The following COMMD8 variants were observed in gnomAD, a reference collection of about 807,000 sequenced individuals.
COMMD8 encodes COMM domain containing 8, also known as COMM domain-containing protein 8.
COMMD8 carries 28 observed loss-of-function variants against 27.2 expected under a neutral mutation model. The observed-to-expected ratio is 1.03, with a 90% confidence interval of 0.76 to 1.41. COMMD8 has a LOEUF of 1.41. Ranked by LOEUF, COMMD8 falls within the 40% of genes most tolerant of loss-of-function variation. The pLI, the probability that COMMD8 is intolerant of heterozygous loss-of-function variation, is 0.00. For missense variants in COMMD8, 217 were observed against 211.2 expected (o/e 1.03, Z -0.17); for synonymous variants, 79 against 75.5 (o/e 1.05, Z -0.24).
Position 47,451,566 on chromosome 4 carries a change from T to A in COMMD8, c.*79A>T. 1 of 1,095,106 alleles carries A rather than the reference T, an allele frequency of 9.1e-7. No homozygotes were observed. Among genetic ancestry groups the A allele is most frequent in the Non-Finnish European group, 1.4e-6 (1 of 718,386 alleles). The allele number at this position is 1,095,106 out of a possible 1,614,324, so 67.8% of individuals were successfully genotyped here. A position where few individuals can be genotyped will look rare whatever the true frequency, so the allele number is the denominator to read the frequency against. ...GTGCAACAGTCAAGACATCACAAGG[T>A]TTCTGAACACGCAGTATTCACTCTG... On this transcript the variant is annotated 3_prime_UTR_variant, in exon 5 of 5. Coordinates refer to ENST00000381571, the MANE Select transcript of COMMD8 (RefSeq NM_017845.5).
In COMMD8 at chr4:47,453,144, T is replaced by G; in HGVS notation, c.446A>C (p.Glu149Ala). ...PLLSLHLDVK[E>A]NGEVKPYSIE... The stretch of plus-strand genomic sequence containing the variant: ...AGAATAAGGTTTTACTTCACCATTT[T>G]CTTTTACATCTAGATGCAGGCTTAA... Residue 149 changes from glutamate (E) to alanine (A), a missense_variant, in exon 4 of 5, where the codon GAA becomes GCA. Coordinates refer to ENST00000381571, the MANE Select transcript of COMMD8 (RefSeq NM_017845.5). 1.9e-6 allele frequency: 3 copies of G among 1,614,028 alleles called. No homozygotes were observed. Among genetic ancestry groups the G allele is most frequent in the African/African-American group, 1.3e-5 (1 of 75,064 alleles).
chr4:47,455,284 G>C (rs1165353572), intron 3 of COMMD8, among the ~76,000 whole-genome samples: 1 of 152,024 alleles, frequency 6.6e-6, no homozygotes, highest in African/African-American at 2.4e-5. Flanking sequence ...CCAAAGTGCT[G>C]GGATTACAGG....
chr4:47,463,615 G>A lies in COMMD8; in HGVS notation c.37C>T (p.Gln13Ter), dbSNP rs778742857. Residue 13 changes from glutamine (Q) to a stop codon, truncating the protein, a stop_gained, in exon 1 of 5, where the codon CAG (glutamine) becomes TAG (stop). Transcript: ENST00000381571. LOFTEE classifies it high-confidence loss of function. ...GGGCCCAGCTCGGCCGGCAGCTTCT[G>A]CAGCCGCCACAAGGGCGTCCCCTCT... is the stretch of plus-strand genomic sequence containing the variant. Reference protein sequence around the residue: ...PEEGTPLWRLQKLPAELGPQL... With the variant: ...PEEGTPLWRL 2 of 1,547,876 alleles carry A rather than the reference G, an allele frequency of 1.3e-6. No homozygotes were observed. Among genetic ancestry groups the A allele is most frequent in the South Asian group, 2.4e-5 (2 of 83,910 alleles).
chr4:47,454,184 C>A (rs115431621), intron 3 of COMMD8, among the ~76,000 whole-genome samples: 1,641 of 152,272 alleles, frequency 0.011, 31 homozygotes, highest in African/African-American at 0.037. Context: ...CCTTGAGAAG[C>A]GGTTACAATC....
intron 4 of COMMD8, among the ~76,000 whole-genome samples, chr4:47,452,731 C>T (rs1729783447): frequency 6.6e-6 from 1 of 152,198 alleles, no homozygotes; most frequent in Non-Finnish European, 1.5e-5. Flanking sequence ...TGCAGTGGCC[C>T]ATGCCTGTAA....
intron 4 of COMMD8, 33 bp downstream of exon 4, chr4:47,453,026 A>G (rs755896795): frequency 1.3e-6 from 2 of 1,569,034 alleles, no homozygotes; most frequent in East Asian, 2.3e-5. Flanking sequence ...AACCTTAAAC[A>G]TTCAAATCAT....
intron 2 of COMMD8, among the ~76,000 whole-genome samples, chr4:47,457,302 C>A (rs1729920233): frequency 6.6e-6 from 1 of 152,156 alleles, no homozygotes; most frequent in Non-Finnish European, 1.5e-5. Context: ...ACACAACAAT[C>A]ATAAATCCCT....
At chr4:47,461,524 A>G (rs906944009) in intron 1 of COMMD8, among the ~76,000 whole-genome samples, 2 of 152,188 alleles carry the variant, frequency 1.3e-5, no homozygotes, top group Non-Finnish European at 2.9e-5. Context: ...CATGCTAAAA[A>G]AAAAACCCAG....
chr4:47,454,998 T>C (rs559779524), intron 3 of COMMD8, among the ~76,000 whole-genome samples: 2 of 151,738 alleles, frequency 1.3e-5, no homozygotes, highest in African/African-American at 4.8e-5. Context: ...TATTAACATC[T>C]CTCTTATCCT....
chr4:47,454,325 T>A (rs963074717), intron 3 of COMMD8, among the ~76,000 whole-genome samples: 4 of 152,226 alleles, frequency 2.6e-5, no homozygotes, highest in Admixed American at 6.5e-5. Context: ...TTTCCCCATC[T>A]ATGAATTTTA....
At chr4:47,461,650 A>G (rs1426150894) in intron 1 of COMMD8, among the ~76,000 whole-genome samples, 1 of 152,240 alleles carries the variant, frequency 6.6e-6, no homozygotes, top group Non-Finnish European at 1.5e-5. Context: ...AAATGACCTT[A>G]TTTAATGACA....
chr4:47,457,826 T>A (rs1729931817), intron 2 of COMMD8, among the ~76,000 whole-genome samples: 1 of 146,118 alleles, frequency 6.8e-6, no homozygotes. Flanking sequence ...TTGACAATAG[T>A]ATTATAGGGA....
chr4:47,457,349 A>G (rs28657923), intron 2 of COMMD8, among the ~76,000 whole-genome samples: 4 of 152,172 alleles, frequency 2.6e-5, no homozygotes, highest in African/African-American at 9.7e-5. Context: ...TATATAAAGC[A>G]GCAAAATTTG....
In COMMD8 at chr4:47,463,630, G is replaced by T; in HGVS notation, c.22C>A (p.Pro8Thr). Residue 8 changes from proline (P) to threonine (T), a missense_variant, in exon 1 of 5, where the codon CCC (proline) becomes ACC (threonine). Coordinates refer to ENST00000381571, the MANE Select transcript of COMMD8 (RefSeq NM_017845.5). MEPEEGT[P>T]LWRLQKLPAE... is the part of the protein sequence containing the mutation. ...GGCAGCTTCTGCAGCCGCCACAAGG[G>T]CGTCCCCTCTTCCGGCTCCATCCCT... The T allele has an allele frequency of 2.6e-6, 4 of 1,549,122 alleles. No homozygotes were observed. The highest frequency in any genetic ancestry group is 1.2e-5 in the South Asian group (1 of 83,930).
chr4:47,459,907 G>A (rs916596995), intron 2 of COMMD8: 27 of 355,016 alleles, frequency 7.6e-5, no homozygotes, highest in African/African-American at 3.0e-4. Context: ...GTGAATGTAG[G>A]TGTCAGTTAT....
At chr4:47,463,520 T>C (rs1346511574) in intron 1 of COMMD8, 66 bp downstream of exon 1, 7 of 1,471,164 alleles carry the variant, frequency 4.8e-6, no homozygotes, top group South Asian at 3.7e-5. Flanking sequence ...GCACCCGGCC[T>C]GATCCGCACG....
intron 3 of COMMD8, among the ~76,000 whole-genome samples, chr4:47,453,570 G>A (rs1294727445): frequency 5.9e-5 from 9 of 152,162 alleles, no homozygotes; most frequent in Admixed American, 5.2e-4. Flanking sequence ...GAAAGTTCAT[G>A]TACAAAGATA....
rs1266773973 is a variant in COMMD8, at chr4:47,453,188, A to G, written c.402T>C (p.Ala134=). The G allele has an allele frequency of 6.2e-7, 1 of 1,613,902 alleles. No homozygotes were observed. The highest frequency in any genetic ancestry group is 2.2e-5 in the East Asian group (1 of 44,872). ...GGCTTAAAAGTGGCATTCGTAATGCAGCAATCTTGTCACTGGAAAGTGCAA... is the reference window on the plus strand; with the variant it reads ...GGCTTAAAAGTGGCATTCGTAATGCGGCAATCTTGTCACTGGAAAGTGCAA... ...VKLALSSDKI[A]ALRMPLLSLH... The change falls in exon 4 of 5, where the codon GCT becomes GCC. Residue 134 remains alanine (A), a synonymous_variant. Coordinates refer to ENST00000381571, the MANE Select transcript of COMMD8 (RefSeq NM_017845.5).
At chr4:47,455,703 G>C (rs910994071) in intron 3 of COMMD8, among the ~76,000 whole-genome samples, 1 of 152,076 alleles carries the variant, frequency 6.6e-6, no homozygotes, top group Non-Finnish European at 1.5e-5. Context: ...CACAATGTAA[G>C]GCACTTTATC....
Sources: gnomAD v4.1 joint callset for allele counts (sites outside exome capture counted in the v4.1 genomes callset) on GRCh38, gnomAD v4.1.1 for gene constraint, MANE v1.5 for transcripts, NCBI Gene and HGNC (gene_info 2026-07-23, HGNC 2026-07-21) for gene names.